Variants in MBD5 observed in about 807,000 individuals in gnomAD.
The protein encoded by MBD5 is methyl-CpG-binding domain protein 5.
In MBD5, 13 loss-of-function variants were observed where a neutral mutation model predicts 117.3. The observed-to-expected ratio is 0.11, with a 90% CI of 0.07 to 0.18. The LOEUF is 0.18. MBD5 is among the 10% of genes least tolerant of loss of function. The pLI is 1.00. For missense variants in MBD5, 1,879 were observed against 2,093.8 expected (o/e 0.90, Z 2.00); for synonymous variants, 727 against 766.4 (o/e 0.95, Z 0.85).
intron 1 of MBD5, among the ~76,000 whole-genome samples, chr2:148,091,933 C>T (rs920432848): frequency 3.9e-5 from 6 of 152,132 alleles, no homozygotes; most frequent in Non-Finnish European, 7.4e-5. Context: ...GGACTAATAT[C>T]TGGAATCTAC....
chr2:148,125,183 T>C (rs1361586727), intron 1 of MBD5, among the ~76,000 whole-genome samples: 1 of 152,062 alleles, frequency 6.6e-6, no homozygotes, highest in Non-Finnish European at 1.5e-5. Context: ...TGTTATTCTT[T>C]CTCTTTGCTG....
chr2:148,109,928 T>A (rs765324523), intron 1 of MBD5, among the ~76,000 whole-genome samples: 3 of 152,226 alleles, frequency 2.0e-5, no homozygotes, highest in African/African-American at 2.4e-5. Context: ...ATGTTCTAAG[T>A]ACTTTTCCAT....
At chr2:148,377,110 G>A (rs113416735) in intron 4 of MBD5, among the ~76,000 whole-genome samples, 2,520 of 151,420 alleles carry the variant, frequency 0.017, 33 homozygotes, top group Non-Finnish European at 0.025. Context: ...ATTAACTCAC[G>A]CAATCACAAG....
At chr2:148,299,230 C>G (rs185887305) in intron 3 of MBD5, among the ~76,000 whole-genome samples, 1 of 151,920 alleles carries the variant, frequency 6.6e-6, no homozygotes, top group Non-Finnish European at 1.5e-5. Flanking sequence ...CAGGTTCAAG[C>G]GATTCTTCTG....
intron 4 of MBD5, among the ~76,000 whole-genome samples, chr2:148,366,490 G>C (rs1167823021): frequency 6.6e-6 from 1 of 152,146 alleles, no homozygotes; most frequent in Non-Finnish European, 1.5e-5. Flanking sequence ...AGTCAGGCAA[G>C]AGAAAGAAAT....
At chr2:148,487,211 A>G in intron 10 of MBD5, among the ~76,000 whole-genome samples, 1 of 152,206 alleles carries the variant, frequency 6.6e-6, no homozygotes, top group Non-Finnish European at 1.5e-5. Flanking sequence ...TGTAAATATA[A>G]TCATACGCTA....
intron 4 of MBD5, among the ~76,000 whole-genome samples, chr2:148,368,172 T>TG (rs1477897763): frequency 6.6e-6 from 1 of 152,188 alleles, no homozygotes; most frequent in East Asian, 1.9e-4. Context: ...TCATGTCCTC[T>TG]GCAGGGTCAT....
At chr2:148,278,787 C>T (rs886084777) in intron 3 of MBD5, among the ~76,000 whole-genome samples, 1 of 152,136 alleles carries the variant, frequency 6.6e-6, no homozygotes, top group African/African-American at 2.4e-5. Flanking sequence ...AAAATACTCA[C>T]TCAGTCCAAG....
intron 12 of MBD5, 88 bp from the exon 13 acceptor site, chr2:148,509,972 T>C (rs1682167641): frequency 9.7e-7 from 1 of 1,032,478 alleles, no homozygotes; most frequent in Non-Finnish European, 1.5e-6. Context: ...TCTCGTGGAA[T>C]TGGTACTTTT....
chr2:148,277,736 C>T (rs1345184198), intron 3 of MBD5, among the ~76,000 whole-genome samples: 1 of 151,970 alleles, frequency 6.6e-6, no homozygotes, highest in Non-Finnish European at 1.5e-5. Flanking sequence ...CATTATTGTC[C>T]TCTTTCTTCT....
intron 4 of MBD5, among the ~76,000 whole-genome samples, chr2:148,431,528 C>T (rs1214095645): frequency 1.3e-5 from 2 of 151,850 alleles, no homozygotes; most frequent in Non-Finnish European, 2.9e-5. Flanking sequence ...TTTTTCTGAT[C>T]CTCTCTCTCC....
intron 3 of MBD5, among the ~76,000 whole-genome samples, chr2:148,299,319 G>A (rs963371416): frequency 1.3e-5 from 2 of 151,940 alleles, no homozygotes; most frequent in African/African-American, 4.8e-5. Context: ...GTAGAGACAG[G>A]TTTCCTCCCT....
rs757856356 is a variant in MBD5 at position 148,180,343 on chromosome 2, C to CAGATATATATATATATATATATATAT, written c.-831+1551_-831+1552insGATATATATATATATATATATATATA. ...ATCCTTCTAGTAAAAAAAAATTATA[C>CAGATATATATATATATATATATATAT]ATATATATATATATATATGTATATA... On this transcript the variant is annotated intron_variant, in intron 2 of 13. Transcript: ENST00000642680. 3.0e-3 allele frequency among the ~76,000 whole-genome samples: 320 copies of CAGATATATATATATATATATATATAT among 105,516 alleles called. 3 individuals carry two copies. The highest frequency in any genetic ancestry group is 0.011 in the African/African-American group (313 of 27,942). 69.2% of individuals were successfully genotyped at this position (105,516 alleles called of 152,430 possible). A position where few individuals can be genotyped will look rare whatever the true frequency, so the allele number is the denominator to read the frequency against.
At chr2:148,275,765 A>G (rs931014382) in intron 3 of MBD5, among the ~76,000 whole-genome samples, 5 of 151,916 alleles carry the variant, frequency 3.3e-5, no homozygotes, top group African/African-American at 1.2e-4. Flanking sequence ...CAGCCTGGAA[A>G]TCACTTTTTT....
intron 1 of MBD5, among the ~76,000 whole-genome samples, chr2:148,148,322 T>G (rs768547216): frequency 2.0e-4 from 30 of 152,324 alleles, no homozygotes; most frequent in Non-Finnish European, 4.0e-4. Flanking sequence ...GCTGCTAGTT[T>G]ACACAGCTAC....
chr2:148,096,652 G>C (rs909198548), intron 1 of MBD5, among the ~76,000 whole-genome samples: 1 of 152,198 alleles, frequency 6.6e-6, no homozygotes, highest in South Asian at 2.1e-4. Context: ...AAAAATAAGA[G>C]AGAGAAAGAA....
intron 1 of MBD5, among the ~76,000 whole-genome samples, chr2:148,074,507 G>GTTTTTTTTTTTGTTTTTTTTTTTTTGT (rs1553469620): frequency 4.4e-5 from 5 of 113,772 alleles, no homozygotes; most frequent in African/African-American, 1.7e-4. Context: ...TTTTTTTTTT[G>GTTTTTTTTTTTGTTTTTTTTTTTTTGT]TTTTTTTTTT....
At chr2:148,223,822 A>G (rs966926782) in intron 2 of MBD5, among the ~76,000 whole-genome samples, 7 of 151,754 alleles carry the variant, frequency 4.6e-5, no homozygotes, top group Non-Finnish European at 5.9e-5. Context: ...TAGGTTGTCT[A>G]TTTGAAGTTT....
At chr2:148,024,888 C>G (rs907845823) in intron 1 of MBD5, 1 of 152,094 alleles carries the variant, frequency 6.6e-6, no homozygotes, top group Non-Finnish European at 1.5e-5. Context: ...ATGATTAGGC[C>G]GCTTTTACCA....
Sources: gnomAD v4.1 joint callset for allele counts (sites outside exome capture counted in the v4.1 genomes callset) on GRCh38, gnomAD v4.1.1 for gene constraint, MANE v1.5 for transcripts, NCBI Gene and HGNC (gene_info 2026-07-23, HGNC 2026-07-21) for gene names.